Variants in TANGO6 observed in about 807,000 individuals in gnomAD.
The protein encoded by TANGO6 is transport and golgi organization 6 homolog.
Under a neutral mutation model 114.2 loss-of-function variants are expected in TANGO6, and 90 were observed. That is an observed-to-expected ratio of 0.79 (90% CI 0.66 to 0.94). TANGO6 has a LOEUF of 0.94. Among genes scored for constraint, TANGO6 ranks in the 40% least tolerant of loss-of-function variants. TANGO6 has a pLI of 0.00. For missense variants in TANGO6, 1,274 were observed against 1,315.3 expected (o/e 0.97, Z 0.49); for synonymous variants, 477 against 509.8 (o/e 0.94, Z 0.87).
intron 12 of TANGO6, among the ~76,000 whole-genome samples, chr16:68,922,945 T>G (rs1251261216): frequency 1.5e-5 from 2 of 137,786 alleles, no homozygotes; most frequent in Non-Finnish European, 3.1e-5. Context: ...TCATGTTTTT[T>G]TTTTTTTTTT....
intron 1 of TANGO6, among the ~76,000 whole-genome samples, chr16:68,858,672 G>C (rs1052705856): frequency 6.6e-6 from 1 of 151,618 alleles, no homozygotes; most frequent in East Asian, 1.9e-4. Context: ...TTTTAGAGAC[G>C]GGCTCTCCCT....
At chr16:69,078,783 G>C (rs1008671773) in intron 17 of TANGO6, among the ~76,000 whole-genome samples, 1 of 151,626 alleles carries the variant, frequency 6.6e-6, no homozygotes. Flanking sequence ...GCTCTGTCAC[G>C]CATGCTGGAG....
At chr16:69,009,137 A>G (rs1964122917) in intron 15 of TANGO6, among the ~76,000 whole-genome samples, 1 of 125,546 alleles carries the variant, frequency 8.0e-6, no homozygotes, top group Non-Finnish European at 1.5e-5. Flanking sequence ...GCTGGAGTGC[A>G]GTGGCGTGAT....
intron 16 of TANGO6, among the ~76,000 whole-genome samples, chr16:69,026,995 T>C (rs1387785947): frequency 1.3e-5 from 2 of 152,232 alleles, no homozygotes; most frequent in Non-Finnish European, 2.9e-5. Context: ...CCTGAGTAGC[T>C]GGGATTACAG....
At chr16:68,927,313 A>G (rs979973946) in intron 12 of TANGO6, among the ~76,000 whole-genome samples, 1 of 152,234 alleles carries the variant, frequency 6.6e-6, no homozygotes, top group Non-Finnish European at 1.5e-5. Context: ...AATAGTCATT[A>G]TATCACAAGG....
intron 14 of TANGO6, among the ~76,000 whole-genome samples, chr16:68,934,518 C>A (rs1002960712): frequency 6.6e-6 from 1 of 152,108 alleles, no homozygotes; most frequent in Non-Finnish European, 1.5e-5. Context: ...CTACGAGTAA[C>A]GGGTTTCAAG....
intron 9 of TANGO6, among the ~76,000 whole-genome samples, chr16:68,907,206 C>T (rs1007561978): frequency 5.9e-5 from 9 of 151,556 alleles, no homozygotes; most frequent in African/African-American, 1.7e-4. Context: ...CTTGGCCTCC[C>T]GAAGTGCTGC....
intron 14 of TANGO6, among the ~76,000 whole-genome samples, chr16:68,939,072 CAAA>C (rs752047565): frequency 1.4e-4 from 8 of 57,028 alleles, no homozygotes; most frequent in Non-Finnish European, 2.8e-4. Flanking sequence ...ACCCTGTCCC[CAAA>C]AAAAAAAAAA....
chr16:69,014,920 A>T (rs1959263379), intron 15 of TANGO6, among the ~76,000 whole-genome samples: 1 of 152,020 alleles, frequency 6.6e-6, no homozygotes, highest in East Asian at 1.9e-4. Flanking sequence ...AAGAAAAAGA[A>T]AAGACAAAGA....
At chr16:68,881,987 A>C (rs1183238843) in intron 7 of TANGO6, among the ~76,000 whole-genome samples, 1 of 152,096 alleles carries the variant, frequency 6.6e-6, no homozygotes, top group Non-Finnish European at 1.5e-5. Context: ...GCTCTATAAA[A>C]AATAAAAATA....
intron 9 of TANGO6, among the ~76,000 whole-genome samples, chr16:68,903,615 CA>C (rs1175415785): frequency 0.035 from 2,059 of 59,230 alleles, 12 homozygotes; most frequent in African/African-American, 0.064. Context: ...GAGACCATCT[CA>C]AAAAAAAAAA....
At chr16:69,029,063 T>A (rs1342043110) in intron 16 of TANGO6, among the ~76,000 whole-genome samples, 1 of 152,172 alleles carries the variant, frequency 6.6e-6, no homozygotes, top group African/African-American at 2.4e-5. Context: ...ACTGTTCTTT[T>A]TCTCTCTCCT....
Position 68,913,366 on chromosome 16 carries a change from G to T in TANGO6, c.1992+3964G>T, listed in dbSNP as rs118175968. Among the ~76,000 whole-genome samples the T allele has an allele frequency of 5.2e-3, 780 of 150,990 alleles. 4 individuals carry two copies. Among genetic ancestry groups the T allele is most frequent in the Non-Finnish European group, 7.4e-3 (503 of 67,826 alleles). On this transcript the variant is annotated intron_variant, in intron 11 of 17. Coordinates refer to ENST00000261778, the MANE Select transcript of TANGO6 (RefSeq NM_024562.2). ...AATCTAGATGTCTGCATGTGGAGAA[G>T]CCAAGAAGCACACTACTATACCTCA...
intron 16 of TANGO6, chr16:69,034,243 C>A (rs1035301134): frequency 6.5e-6 from 1 of 153,198 alleles, no homozygotes; most frequent in Non-Finnish European, 1.5e-5. Context: ...TTATCCCTGC[C>A]CCCAGGAACA....
At chr16:68,891,175 C>T (rs1047747053) in intron 7 of TANGO6, among the ~76,000 whole-genome samples, 4 of 151,566 alleles carry the variant, frequency 2.6e-5, no homozygotes, top group Non-Finnish European at 5.9e-5. Flanking sequence ...ACCTATAATC[C>T]CACCTACTCA....
At chr16:68,963,748 C>T (rs80147275) in intron 14 of TANGO6, among the ~76,000 whole-genome samples, 473 of 152,326 alleles carry the variant, frequency 3.1e-3, no homozygotes, top group Middle Eastern at 0.017. Flanking sequence ...CTAGTGCAGT[C>T]GTCAGCCTTC....
rs753390536 is a variant in TANGO6 at position 68,867,153 on chromosome 16, C to T, written c.927C>T (p.Leu309=). The T allele has an allele frequency of 1.2e-6, 2 of 1,613,898 alleles. No individual in the cohort carries two copies. Among genetic ancestry groups the T allele is most frequent in the Non-Finnish European group, 1.7e-6 (2 of 1,179,880 alleles). Residue 309 remains leucine (L), a synonymous_variant, in exon 4 of 18, where the codon CTC becomes CTT. Coordinates refer to ENST00000261778, the MANE Select transcript of TANGO6 (RefSeq NM_024562.2). ...AWLRRLCGQL[L]SERLMRPNGV... is the part of the protein sequence containing the mutation. ...TTCGGCGTCTATGTGGACAGCTGCTCTCTGAAAGGTTAATGAGACCTAATG... is the reference window on the plus strand; with the variant it reads ...TTCGGCGTCTATGTGGACAGCTGCTTTCTGAAAGGTTAATGAGACCTAATG...
At chr16:68,942,935 T>C (rs117254224) in intron 14 of TANGO6, among the ~76,000 whole-genome samples, 4,166 of 151,018 alleles carry the variant, frequency 0.028, 62 homozygotes, top group African/African-American at 0.04. Flanking sequence ...AGGGTCTGAC[T>C]GTCACCCAGG....
chr16:69,057,648 C>A (rs1960053255), intron 17 of TANGO6, among the ~76,000 whole-genome samples: 1 of 152,140 alleles, frequency 6.6e-6, no homozygotes, highest in Non-Finnish European at 1.5e-5. Flanking sequence ...CAGATCATGG[C>A]CAACAGAAGG....
Sources: gnomAD v4.1 joint callset for allele counts (sites outside exome capture counted in the v4.1 genomes callset) on GRCh38, gnomAD v4.1.1 for gene constraint, MANE v1.5 for transcripts, NCBI Gene and HGNC (gene_info 2026-07-23, HGNC 2026-07-21) for gene names.